The following WHR1 variants were observed in gnomAD, a reference collection of about 807,000 sequenced individuals.
WHR1 encodes the protein winged helix repair factor 1, also known as MHC class III HLA-RP1.
chr6:31,977,011 C>T, the WHR1 span, among the ~76,000 whole-genome samples: 2 of 152,224 alleles, frequency 1.3e-5, no homozygotes, highest in Non-Finnish European at 2.9e-5. Flanking sequence ...CCAGCTTCGG[C>T]TCGGCATCAG....
At chr6:31,979,450 G>A in the WHR1 span, 33 of 1,612,900 alleles carry the variant, frequency 2.0e-5, no homozygotes, top group East Asian at 6.5e-4. Flanking sequence ...GTATGCTGGG[G>A]CAGTGCAGAA....
At chr6:31,977,783 G>A in the WHR1 span, among the ~76,000 whole-genome samples, 571 of 151,612 alleles carry the variant, frequency 3.8e-3, 1 homozygote, top group Non-Finnish European at 6.3e-3. Flanking sequence ...CACCGTGCCC[G>A]GCCCCAGTTA....
chr6:31,978,924 G>C, the WHR1 span: 1 of 1,612,754 alleles, frequency 6.2e-7, no homozygotes, highest in Non-Finnish European at 8.5e-7. Context: ...AGAGCAGGGG[G>C]AGATCAGAAT....
chr6:31,978,891 C>T, the WHR1 span: 1 of 1,612,218 alleles, frequency 6.2e-7, no homozygotes, highest in East Asian at 2.2e-5. Flanking sequence ...ACTCTCTTCT[C>T]TGTGGAGACA....
the WHR1 span, chr6:31,972,508 C>T: frequency 6.2e-7 from 1 of 1,606,022 alleles, no homozygotes; most frequent in Non-Finnish European, 8.5e-7. This position sits in a 1 kb window ranked among gnomAD's most constrained non-coding sequence, Gnocchi z 6.3. Flanking sequence ...TCGGGGTGAG[C>T]CAGGTAACCA....
At chr6:31,979,452 A>G in the WHR1 span, 1 of 1,612,916 alleles carries the variant, frequency 6.2e-7, no homozygotes, top group East Asian at 2.2e-5. Context: ...ATGCTGGGGC[A>G]GTGCAGAAAT....
At chr6:31,971,218 CTT>C in the WHR1 span, 5 of 1,569,848 alleles carry the variant, frequency 3.2e-6, no homozygotes, top group Non-Finnish European at 4.3e-6. This position sits in a 1 kb window ranked among gnomAD's most constrained non-coding sequence, Gnocchi z 4.5. Context: ...GAAGAATAGT[CTT>C]GTTTCTTCTA....
the WHR1 span, chr6:31,980,695 C>T: frequency 1.0e-5 from 16 of 1,607,498 alleles, no homozygotes; most frequent in East Asian, 4.5e-5. Flanking sequence ...GGCAAAGTAC[C>T]GGGAACTGCT....
chr6:31,972,574 G>A, the WHR1 span: 1 of 1,594,624 alleles, frequency 6.3e-7, no homozygotes, highest in Non-Finnish European at 8.6e-7. This position sits in a 1 kb window ranked among gnomAD's most constrained non-coding sequence, Gnocchi z 6.3. Flanking sequence ...TGTTAGAACC[G>A]CGTCCCCGCC....
At chr6:31,979,011 G>C in the WHR1 span, 1 of 1,611,566 alleles carries the variant, frequency 6.2e-7, no homozygotes, top group Non-Finnish European at 8.5e-7. Flanking sequence ...ATGTGACTGT[G>C]TGCGTCAGGG....
At chr6:31,979,903 C>CA in the WHR1 span, 14 of 211,922 alleles carry the variant, frequency 6.6e-5, no homozygotes, top group Admixed American at 1.1e-4. Context: ...CACATTAAAA[C>CA]AAAAAAAACC....
the WHR1 span, chr6:31,971,610 T>G: frequency 6.2e-7 from 1 of 1,612,990 alleles, no homozygotes; most frequent in Non-Finnish European, 8.5e-7. The surrounding 1 kb of genome is among the most constrained non-coding windows in gnomAD (Gnocchi z 4.5). Flanking sequence ...CTGGACGAGG[T>G]AGTTTGTTCC....
At chr6:31,980,484 A>C in the WHR1 span, 1 of 1,613,100 alleles carries the variant, frequency 6.2e-7, no homozygotes, top group South Asian at 1.1e-5. Flanking sequence ...TCACCGTCCG[A>C]GATGCTGGGA....
the WHR1 span, chr6:31,971,199 G>A: frequency 1.3e-6 from 2 of 1,587,036 alleles, no homozygotes; most frequent in Admixed American, 1.7e-5. This position sits in a 1 kb window ranked among gnomAD's most constrained non-coding sequence, Gnocchi z 4.5. Context: ...TTAGTGAGAT[G>A]CTCCCCTCGA....
At chr6:31,972,145 C>T in the WHR1 span, 4 of 1,612,866 alleles carry the variant, frequency 2.5e-6, no homozygotes, top group Admixed American at 6.7e-5. This position sits in a 1 kb window ranked among gnomAD's most constrained non-coding sequence, Gnocchi z 6.3. Flanking sequence ...CAACGAGTCC[C>T]CGGGCGTGCG....
At chr6:31,972,097 T>A in the WHR1 span, 3 of 1,612,172 alleles carry the variant, frequency 1.9e-6, no homozygotes, top group Non-Finnish European at 2.5e-6. The surrounding 1 kb of genome is among the most constrained non-coding windows in gnomAD (Gnocchi z 6.3). Flanking sequence ...ACGAAGGAGG[T>A]TGACACCAAC....
At chr6:31,979,656 A>G in the WHR1 span, 1 of 1,479,792 alleles carries the variant, frequency 6.8e-7, no homozygotes, top group Non-Finnish European at 9.1e-7. Flanking sequence ...ACCTGCCAGA[A>G]AAGCTGCCAA....
chr6:31,975,914 C>G, the WHR1 span, among the ~76,000 whole-genome samples: 1 of 148,154 alleles, frequency 6.7e-6, no homozygotes, highest in Non-Finnish European at 1.5e-5. Context: ...GGGGGCTGAC[C>G]CCCCCACCTC....
the WHR1 span, chr6:31,972,313 G>T: frequency 1.1e-5 from 17 of 1,613,112 alleles, no homozygotes; most frequent in Non-Finnish European, 1.4e-5. The surrounding 1 kb of genome is among the most constrained non-coding windows in gnomAD (Gnocchi z 6.3). Flanking sequence ...AGGGACGCCC[G>T]GGGAGACCGT....
Sources: allele counts gnomAD v4.1 joint callset (sites outside exome capture counted in the v4.1 genomes callset), GRCh38; gene constraint gnomAD v4.1.1; non-coding constraint Gnocchi (gnomAD v3.1); transcripts MANE v1.5; gene names NCBI Gene and HGNC (gene_info 2026-07-23, HGNC 2026-07-21).